Variants in CA10 observed in about 807,000 individuals in gnomAD.
CA10 encodes carbonic anhydrase 10 (inactive), also known as carbonic anhydrase-related protein 10.
A neutral mutation model predicts 44.2 loss-of-function variants in CA10; 14 were observed. The ratio of observed to expected loss-of-function variants is 0.32; its 90% CI spans 0.21 to 0.50. CA10 has a LOEUF of 0.50. CA10 is among the 20% of genes least tolerant of loss of function. CA10 has a pLI of 0.99. For missense variants in CA10, 350 were observed against 409.7 expected, an observed-to-expected ratio of 0.85 and a Z score of 1.26; for synonymous variants, 159 against 141.6, an observed-to-expected ratio of 1.12 and a Z score of -0.87.
At chr17:51,943,150 A>G (rs1296897949) in intron 2 of CA10, among the ~76,000 whole-genome samples, 3 of 152,146 alleles carry the variant, frequency 2.0e-5, no homozygotes, top group Non-Finnish European at 4.4e-5. Flanking sequence ...TCTACACCCC[A>G]TAGTCAAATT....
At chr17:51,685,546 C>G (rs184685955) in intron 4 of CA10, among the ~76,000 whole-genome samples, 4 of 152,280 alleles carry the variant, frequency 2.6e-5, no homozygotes, top group Admixed American at 2.0e-4. Flanking sequence ...CCACAAATCA[C>G]TGAGCCTTGC....
At chr17:51,920,637 G>A (rs1982192810) in intron 3 of CA10, among the ~76,000 whole-genome samples, 1 of 152,074 alleles carries the variant, frequency 6.6e-6, no homozygotes, top group South Asian at 2.1e-4. Context: ...ATGATGTCAA[G>A]AGGTAAACAT....
At chr17:51,787,427 G>A (rs1193837288) in intron 3 of CA10, among the ~76,000 whole-genome samples, 1 of 151,790 alleles carries the variant, frequency 6.6e-6, no homozygotes, top group Non-Finnish European at 1.5e-5. Flanking sequence ...GCATATAGTT[G>A]CTCATAGTAG....
chr17:51,683,211 C>T (rs1289650365), intron 4 of CA10, among the ~76,000 whole-genome samples: 2 of 152,170 alleles, frequency 1.3e-5, no homozygotes, highest in Admixed American at 1.3e-4. Flanking sequence ...AATTAAGACA[C>T]AGACAAGATG....
intron 1 of CA10, among the ~76,000 whole-genome samples, chr17:52,083,404 CTCT>C (rs1988034126): frequency 6.6e-6 from 1 of 150,376 alleles, no homozygotes; most frequent in Non-Finnish European, 1.5e-5. Context: ...ATTATTTCAT[CTCT>C]TTTTAAAAAA....
At chr17:51,718,817 T>G (rs1346790657) in intron 4 of CA10, among the ~76,000 whole-genome samples, 1 of 152,134 alleles carries the variant, frequency 6.6e-6, no homozygotes, top group Non-Finnish European at 1.5e-5. Context: ...TGGTTGACCG[T>G]GGGAAGAAAT....
chr17:51,778,783 G>T (rs1274470704), intron 3 of CA10, among the ~76,000 whole-genome samples: 2 of 152,202 alleles, frequency 1.3e-5, no homozygotes, highest in Admixed American at 1.3e-4. Context: ...TACAACAAAT[G>T]CAGGGGATCC....
At chr17:51,651,104 A>G (rs997665815) in intron 5 of CA10, among the ~76,000 whole-genome samples, 38 of 152,074 alleles carry the variant, frequency 2.5e-4, no homozygotes, top group Admixed American at 2.6e-4. Context: ...CTCAGCTTTT[A>G]GCCAGGGTGA....
chr17:52,126,750 A>G (rs995944901), intron 1 of CA10, among the ~76,000 whole-genome samples: 1 of 152,212 alleles, frequency 6.6e-6, no homozygotes, highest in Non-Finnish European at 1.5e-5. Context: ...ATATTAAATC[A>G]TTACCCATGA....
intron 2 of CA10, among the ~76,000 whole-genome samples, chr17:52,001,474 G>C (rs1376088358): frequency 1.3e-5 from 2 of 151,974 alleles, no homozygotes; most frequent in African/African-American, 4.8e-5. Context: ...GTTTTTCAGT[G>C]AAGTGAATAA....
intron 3 of CA10, among the ~76,000 whole-genome samples, chr17:51,852,322 AATG>A (rs1482462266): frequency 2.0e-5 from 3 of 152,192 alleles, no homozygotes; most frequent in African/African-American, 7.2e-5. Flanking sequence ...TCCACACTAT[AATG>A]ATAAGTGGAG....
At chr17:51,955,002 C>G (rs1457632736) in intron 2 of CA10, among the ~76,000 whole-genome samples, 1 of 152,134 alleles carries the variant, frequency 6.6e-6, no homozygotes, top group Non-Finnish European at 1.5e-5. Context: ...GTTTGAGGCT[C>G]TATTACTGGT....
intron 5 of CA10, among the ~76,000 whole-genome samples, chr17:51,652,474 T>G (rs9898371): frequency 0.013 from 2,041 of 152,320 alleles, 48 homozygotes; most frequent in African/African-American, 0.047. Flanking sequence ...TGTCCCTTCC[T>G]CTCTTTGTTA....
intron 2 of CA10, among the ~76,000 whole-genome samples, chr17:51,996,438 T>G (rs922827890): frequency 6.6e-6 from 1 of 152,050 alleles, no homozygotes; most frequent in African/African-American, 2.4e-5. Context: ...ATTATTATTT[T>G]TAAGCGGTGC....
chr17:52,077,744 C>G (rs1363820868), intron 1 of CA10, among the ~76,000 whole-genome samples: 1 of 152,026 alleles, frequency 6.6e-6, no homozygotes, highest in Non-Finnish European at 1.5e-5. Context: ...CATACTAAAT[C>G]TTTTCCAGAT....
intron 4 of CA10, among the ~76,000 whole-genome samples, chr17:51,743,658 C>A (rs1009348968): frequency 6.6e-6 from 1 of 152,204 alleles, no homozygotes; most frequent in African/African-American, 2.4e-5. Context: ...ACGACTGTTG[C>A]ACTGTGCCAA....
At chr17:51,977,317 C>T (rs757196644) in intron 2 of CA10, among the ~76,000 whole-genome samples, 1 of 151,616 alleles carries the variant, frequency 6.6e-6, no homozygotes, top group Non-Finnish European at 1.5e-5. Flanking sequence ...AACCCAATAA[C>T]ACATTTTTTT....
intron 2 of CA10, among the ~76,000 whole-genome samples, chr17:52,006,996 A>C (rs1203841359): frequency 6.6e-6 from 1 of 151,692 alleles, no homozygotes; most frequent in African/African-American, 2.4e-5. Context: ...TATTATGTAC[A>C]TAGTTAGAGG....
At chr17:51,668,673 C>T (rs1914295364) in intron 4 of CA10, among the ~76,000 whole-genome samples, 7 of 152,220 alleles carry the variant, frequency 4.6e-5, no homozygotes, top group Admixed American at 4.6e-4. Context: ...ACTCTGGCCA[C>T]ACTTGAGGAG....
Sources: allele counts gnomAD v4.1 joint callset (sites outside exome capture counted in the v4.1 genomes callset), GRCh38; gene constraint gnomAD v4.1.1; transcripts MANE v1.5; gene names NCBI Gene and HGNC (gene_info 2026-07-23, HGNC 2026-07-21).